Variants in NRG3 observed in about 807,000 individuals in gnomAD.
NRG3 encodes neuregulin 3, also known as pro-neuregulin-3, membrane-bound isoform.
NRG3 carries 31 observed loss-of-function variants against 66.9 expected under a neutral mutation model. That is an observed-to-expected ratio of 0.46 (90% CI 0.35 to 0.63). NRG3 has a LOEUF of 0.63. Among genes scored for constraint, NRG3 ranks in the 20% least tolerant of loss-of-function variants. The pLI is 0.00. For missense variants in NRG3, 910 were observed against 878.9 expected, an observed-to-expected ratio of 1.04 and a Z score of -0.45; for synonymous variants, 393 against 359.4, an observed-to-expected ratio of 1.09 and a Z score of -1.06.
At chr10:82,018,942 T>G (rs902014157) in intron 1 of NRG3, among the ~76,000 whole-genome samples, 1 of 152,052 alleles carries the variant, frequency 6.6e-6, no homozygotes, top group East Asian at 1.9e-4. Context: ...TCTCCTGTCT[T>G]ATTGCCCTGG....
At position 82,985,081 on chromosome 10, in the gene NRG3, CTG is replaced by C; in HGVS notation, c.1584-13_1584-12del. ...CTGGTAGAAAGCAGAAGGAGTAACA[CTG>C]TGTTTCTTTTTCAGGTATTCATCCA... On this transcript the variant is annotated splice_polypyrimidine_tract_variant and intron_variant, in intron 8 of 8. Transcript: ENST00000372141. 2 of 1,609,854 alleles carry C rather than the reference CTG, an allele frequency of 1.2e-6. No homozygotes were observed. Among genetic ancestry groups the C allele is most frequent in the African/African-American group, 1.3e-5 (1 of 74,820 alleles).
chr10:82,941,359 T>C (rs1848562757), intron 4 of NRG3, among the ~76,000 whole-genome samples: 1 of 152,228 alleles, frequency 6.6e-6, no homozygotes, highest in South Asian at 2.1e-4. Flanking sequence ...TATAAGGCCA[T>C]TGAACTCTTT....
intron 2 of NRG3, among the ~76,000 whole-genome samples, chr10:82,391,895 T>G (rs1298085793): frequency 6.6e-6 from 1 of 151,394 alleles, no homozygotes; most frequent in East Asian, 1.9e-4. Context: ...CAAGTTGCTT[T>G]TAAAATTCTC....
intron 1 of NRG3, among the ~76,000 whole-genome samples, chr10:82,140,938 G>A (rs1483343723): frequency 2.0e-5 from 3 of 151,822 alleles, no homozygotes; most frequent in Admixed American, 6.6e-5. Flanking sequence ...GTACATGAAT[G>A]CAAATAAATT....
chr10:82,182,928 T>C (rs1015306446), intron 1 of NRG3, among the ~76,000 whole-genome samples: 4 of 152,128 alleles, frequency 2.6e-5, no homozygotes, highest in African/African-American at 7.2e-5. Context: ...TTAAGCTCTA[T>C]GAATATATCA....
chr10:82,557,709 A>G (rs1263237110), intron 2 of NRG3, among the ~76,000 whole-genome samples: 1 of 152,186 alleles, frequency 6.6e-6, no homozygotes, highest in East Asian at 1.9e-4. Flanking sequence ...TGAGACAATA[A>G]TAACAGTTAA....
At chr10:82,673,728 G>A (rs991470938) in intron 2 of NRG3, among the ~76,000 whole-genome samples, 4 of 152,198 alleles carry the variant, frequency 2.6e-5, no homozygotes, top group African/African-American at 9.7e-5. Flanking sequence ...TTTCAGACAG[G>A]TTGAGTTTGA....
At position 82,384,944 on chromosome 10, in the gene NRG3, T is replaced by C. The variant is rs532959509; in HGVS notation, c.953+26076T>C. On this transcript the variant is annotated intron_variant, in intron 2 of 8. Transcript: ENST00000372141. Reference sequence around the variant, plus strand: ...TCCACAACCTCGCCAACATCTGTTGTTTTTTGCCTTCTTAATAAAACCATT... The same window carrying C: ...TCCACAACCTCGCCAACATCTGTTGCTTTTTGCCTTCTTAATAAAACCATT... Among the ~76,000 whole-genome samples, 22 of 152,292 alleles carry C rather than the reference T, an allele frequency of 1.4e-4. No individual in the cohort carries two copies. In the South Asian group the frequency reaches 2.1e-3, roughly 14 times the overall value.
chr10:82,934,858 GGAC>G (rs1447617817), intron 4 of NRG3, among the ~76,000 whole-genome samples: 1 of 152,144 alleles, frequency 6.6e-6, no homozygotes, highest in Non-Finnish European at 1.5e-5. Context: ...ACTTTTCAGT[GGAC>G]CACAATGTCC....
intron 2 of NRG3, among the ~76,000 whole-genome samples, chr10:82,654,615 G>C (rs1435258203): frequency 6.6e-6 from 1 of 152,132 alleles, no homozygotes; most frequent in Non-Finnish European, 1.5e-5. Context: ...CTGTTCGAAA[G>C]TCTCATCATT....
At chr10:82,525,500 G>A (rs554218328) in intron 2 of NRG3, among the ~76,000 whole-genome samples, 1 of 151,924 alleles carries the variant, frequency 6.6e-6, no homozygotes, top group East Asian at 1.9e-4. Flanking sequence ...CACAAACTAT[G>A]AATTTATGAT....
At chr10:82,120,719 T>C (rs2068030782) in intron 1 of NRG3, among the ~76,000 whole-genome samples, 1 of 152,148 alleles carries the variant, frequency 6.6e-6, no homozygotes, top group Admixed American at 6.6e-5. Flanking sequence ...CAGGATAAGA[T>C]TCTATCTAGT....
intron 1 of NRG3, among the ~76,000 whole-genome samples, chr10:82,203,577 G>A (rs74146516): frequency 0.013 from 2,024 of 152,124 alleles, 43 homozygotes; most frequent in African/African-American, 0.046. Flanking sequence ...GAAATTAAAG[G>A]CATATCATTT....
chr10:81,967,116 T>C (rs901252252), intron 1 of NRG3, among the ~76,000 whole-genome samples: 3 of 151,916 alleles, frequency 2.0e-5, no homozygotes, highest in African/African-American at 7.2e-5. Flanking sequence ...TATATTTTAA[T>C]AGGTCCCTAA....
intron 1 of NRG3, among the ~76,000 whole-genome samples, chr10:81,959,039 CAG>C (rs1322504849): frequency 3.9e-5 from 6 of 152,088 alleles, no homozygotes; most frequent in African/African-American, 1.4e-4. Context: ...ATTTCAGAAA[CAG>C]TGGTGTAGTG....
In NRG3 at chr10:82,726,060, C is replaced by T. The variant is rs561608754; in HGVS notation, c.954-12517C>T. Among the ~76,000 whole-genome samples, 28 of 152,236 alleles carry T rather than the reference C, an allele frequency of 1.8e-4. No homozygotes were observed. The South Asian group carries it at 3.5e-3, about 19-fold the overall frequency. ...AGAGAGAATCTCTCTTAGGTGAGGACTCAGCAAGAAGGTGGGGTCTGCAAC... is the reference window on the plus strand; with the variant it reads ...AGAGAGAATCTCTCTTAGGTGAGGATTCAGCAAGAAGGTGGGGTCTGCAAC... On this transcript the variant is annotated intron_variant, in intron 2 of 8. Coordinates refer to ENST00000372141, the MANE Select transcript of NRG3 (RefSeq NM_001010848.4).
chr10:81,895,343 C>T (rs1843418474), intron 1 of NRG3, among the ~76,000 whole-genome samples: 1 of 152,086 alleles, frequency 6.6e-6, no homozygotes, highest in South Asian at 2.1e-4. Context: ...TAGATAGATA[C>T]ATTCTAATAA....
intron 3 of NRG3, among the ~76,000 whole-genome samples, chr10:82,744,299 A>G (rs1262919381): frequency 6.6e-6 from 1 of 152,224 alleles, no homozygotes; most frequent in Non-Finnish European, 1.5e-5. Context: ...TGGGTGGCTT[A>G]TAAACAACAG....
At chr10:82,737,400 T>A (rs1256595900) in intron 2 of NRG3, among the ~76,000 whole-genome samples, 1 of 152,218 alleles carries the variant, frequency 6.6e-6, no homozygotes, top group African/African-American at 2.4e-5. Flanking sequence ...AATAGCTTAT[T>A]ACACTCAGAA....
Sources: gnomAD v4.1 joint callset for allele counts (sites outside exome capture counted in the v4.1 genomes callset) on GRCh38, gnomAD v4.1.1 for gene constraint, MANE v1.5 for transcripts, NCBI Gene and HGNC (gene_info 2026-07-23, HGNC 2026-07-21) for gene names.